Variants in MCPH1 observed in about 807,000 individuals in gnomAD.
MCPH1 encodes microcephalin.
Under a neutral mutation model 84.5 loss-of-function variants are expected in MCPH1, and 104 were observed. The ratio of observed to expected loss-of-function variants is 1.23; its 90% confidence interval spans 1.05 to 1.45. The LOEUF is 1.45. Ranked by LOEUF, MCPH1 falls within the 40% of genes most tolerant of loss-of-function variation. MCPH1 has a pLI of 0.00. For missense variants in MCPH1, 1,498 were observed against 1,005.7 expected (o/e 1.49, Z -6.62); for synonymous variants, 514 against 366.8 (o/e 1.40, Z -4.58).
At chr8:6,525,758 GA>G (rs982082392) in intron 12 of MCPH1, among the ~76,000 whole-genome samples, 1 of 151,910 alleles carries the variant, frequency 6.6e-6, no homozygotes, top group African/African-American at 2.4e-5. Flanking sequence ...AGCTGTTGAT[GA>G]AAAAAACCTT....
chr8:6,459,424 C>A (rs146429590), intron 9 of MCPH1, among the ~76,000 whole-genome samples: 2 of 152,080 alleles, frequency 1.3e-5, no homozygotes, highest in African/African-American at 4.8e-5. Context: ...TACAGGTGCA[C>A]GCCACATATT....
At chr8:6,421,949 G>C (rs1389728372) in intron 3 of MCPH1, among the ~76,000 whole-genome samples, 9 of 152,216 alleles carry the variant, frequency 5.9e-5, no homozygotes, top group Admixed American at 5.9e-4. Context: ...TCTAAACCCA[G>C]TTTTGTAGTC....
At chr8:6,423,741 T>C (rs2442527) in intron 3 of MCPH1, among the ~76,000 whole-genome samples, 101,617 of 152,098 alleles carry the variant, frequency 0.67, 38,085 homozygotes, top group Non-Finnish European at 0.82. Flanking sequence ...AGAGTTTACA[T>C]ATTTAAATAT....
At chr8:6,610,282 A>G (rs955839011) in intron 12 of MCPH1, among the ~76,000 whole-genome samples, 2 of 152,212 alleles carry the variant, frequency 1.3e-5, no homozygotes, top group South Asian at 4.1e-4. Flanking sequence ...GGAAAACACG[A>G]GCCACCTTGA....
At chr8:6,427,313 C>T (rs1480608947) in intron 3 of MCPH1, among the ~76,000 whole-genome samples, 1 of 152,122 alleles carries the variant, frequency 6.6e-6, no homozygotes, top group African/African-American at 2.4e-5. Context: ...GGACTTTATA[C>T]ACGTCATACA....
chr8:6,416,337 C>T (rs1799298422), intron 3 of MCPH1, among the ~76,000 whole-genome samples: 2 of 151,898 alleles, frequency 1.3e-5, no homozygotes, highest in African/African-American at 4.8e-5. Context: ...CCAGAACCTC[C>T]AGCACACTGT....
chr8:6,464,010 G>A (rs1227374331), intron 9 of MCPH1, among the ~76,000 whole-genome samples: 1 of 152,188 alleles, frequency 6.6e-6, no homozygotes, highest in African/African-American at 2.4e-5. Context: ...AATGCAGCAC[G>A]GGTATGTTGT....
intron 12 of MCPH1, among the ~76,000 whole-genome samples, chr8:6,597,550 A>G (rs1474865106): frequency 6.6e-6 from 1 of 152,150 alleles, no homozygotes; most frequent in Non-Finnish European, 1.5e-5. Flanking sequence ...CCAGCCCAGA[A>G]CATTCACCAG....
In MCPH1 at chr8:6,647,897, G is replaced by C. The variant is rs1417086632; in HGVS notation, c.*4848G>C. 1 of 152,020 alleles carries C rather than the reference G, an allele frequency of 6.6e-6. No homozygotes were observed. The highest frequency in any genetic ancestry group is 2.4e-5 in the African/African-American group (1 of 41,374). The allele number at this position is 152,020 out of a possible 1,614,324, so 9.4% of individuals were successfully genotyped here. ...TTAATGGGTAAGCCTTAAGGCATGT[G>C]AATTATACACCAATAAAGCTATTTT... On this transcript the variant is annotated 3_prime_UTR_variant, in exon 14 of 14. Transcript: ENST00000344683.
chr8:6,479,610 T>G (rs932868622), intron 10 of MCPH1, among the ~76,000 whole-genome samples: 2 of 151,856 alleles, frequency 1.3e-5, no homozygotes, highest in Non-Finnish European at 2.9e-5. Context: ...AATTTTTTTG[T>G]TTTTTTAGTA....
At chr8:6,626,399 G>C (rs764546974) in intron 13 of MCPH1, 53 of 983,376 alleles carry the variant, frequency 5.4e-5, no homozygotes, top group Non-Finnish European at 6.4e-5. Flanking sequence ...AAACTGTATT[G>C]TACTTGGGCC....
At chr8:6,458,791 C>T (rs549298689) in intron 9 of MCPH1, among the ~76,000 whole-genome samples, 1 of 152,178 alleles carries the variant, frequency 6.6e-6, no homozygotes, top group African/African-American at 2.4e-5. Flanking sequence ...ACCACAGGCA[C>T]CCGCCAGCAC....
At chr8:6,448,887 A>T (rs182836941) in intron 8 of MCPH1, among the ~76,000 whole-genome samples, 2 of 152,204 alleles carry the variant, frequency 1.3e-5, no homozygotes, top group Non-Finnish European at 2.9e-5. Context: ...TACTCATGAG[A>T]TGATTACATA....
At chr8:6,537,356 G>GT (rs958090654) in intron 12 of MCPH1, among the ~76,000 whole-genome samples, 16 of 151,992 alleles carry the variant, frequency 1.1e-4, no homozygotes, top group African/African-American at 3.6e-4. Flanking sequence ...GCCTTGGGCT[G>GT]TTCTTCCTTT....
At chr8:6,466,348 C>A (rs1392578695) in intron 9 of MCPH1, among the ~76,000 whole-genome samples, 1 of 149,820 alleles carries the variant, frequency 6.7e-6, no homozygotes, top group Non-Finnish European at 1.5e-5. Context: ...CGCTCTGTTG[C>A]TGAGGCTGGA....
chr8:6,469,362 A>G (rs1361647281), intron 9 of MCPH1, among the ~76,000 whole-genome samples: 1 of 152,230 alleles, frequency 6.6e-6, no homozygotes, highest in African/African-American at 2.4e-5. Flanking sequence ...TTGGGTCCAC[A>G]GACTGAGTCT....
chr8:6,470,347 G>A lies in MCPH1; in HGVS notation c.1936-7247G>A, dbSNP rs187662028. 5.8e-4 allele frequency among the ~76,000 whole-genome samples: 88 copies of A among 152,080 alleles called. 1 individual carries two copies. The East Asian group carries it at 0.015, about 25-fold the overall frequency. On this transcript the variant is annotated intron_variant, in intron 9 of 13. Transcript: ENST00000344683. ...CACCCAGGCTGGAGTGCAGTGGCGCGATCTCCGCTCACTGCAACTTCCGTC... is the reference window on the plus strand; with the variant it reads ...CACCCAGGCTGGAGTGCAGTGGCGCAATCTCCGCTCACTGCAACTTCCGTC...
At chr8:6,641,905 C>T in intron 13 of MCPH1, among the ~76,000 whole-genome samples, 1 of 152,126 alleles carries the variant, frequency 6.6e-6, no homozygotes, top group Admixed American at 6.5e-5. Flanking sequence ...TAGTGTTCCT[C>T]CCTTCTGAAA....
chr8:6,525,013 T>C (rs765765459), intron 12 of MCPH1, among the ~76,000 whole-genome samples: 5 of 152,234 alleles, frequency 3.3e-5, no homozygotes, highest in African/African-American at 7.2e-5. Context: ...TAAAGCTCTA[T>C]GTAAAATGAA....
Sources: gnomAD v4.1 joint callset for allele counts (sites outside exome capture counted in the v4.1 genomes callset) on GRCh38, gnomAD v4.1.1 for gene constraint, MANE v1.5 for transcripts, NCBI Gene and HGNC (gene_info 2026-07-23, HGNC 2026-07-21) for gene names.